Variants in COL11A1 observed in about 807,000 individuals in gnomAD.
COL11A1 encodes the protein collagen type XI alpha 1 chain.
In COL11A1, 74 loss-of-function variants were observed where a neutral mutation model predicts 265.2. The ratio of observed to expected loss-of-function variants is 0.28; its 90% CI spans 0.23 to 0.34. The LOEUF (loss-of-function observed/expected upper bound fraction) is 0.34, where lower values mean the gene tolerates loss of function less well. Among genes scored for constraint, COL11A1 ranks in the 10% least tolerant of loss-of-function variants. The probability of loss-of-function intolerance (pLI) is 1.00; values close to 1 mark genes in which losing one functional copy is unlikely to be tolerated. For missense variants in COL11A1, 2,165 were observed against 2,263.6 expected, an observed-to-expected ratio of 0.96 and a Z score of 0.88; for synonymous variants, 816 against 727.6, an observed-to-expected ratio of 1.12 and a Z score of -1.96.
intron 47 of COL11A1, among the ~76,000 whole-genome samples, chr1:102,922,701 C>A (rs1226838684): frequency 6.6e-6 from 1 of 152,080 alleles, no homozygotes; most frequent in Non-Finnish European, 1.5e-5. Context: ...TCCCGGCCAG[C>A]AAAGTTTTTT....
At chr1:102,881,412 T>C (rs1289398944) in intron 65 of COL11A1, among the ~76,000 whole-genome samples, 3 of 152,148 alleles carry the variant, frequency 2.0e-5, no homozygotes, top group Non-Finnish European at 4.4e-5. Flanking sequence ...TCTAACATAA[T>C]CAATTTTTAT....
intron 1 of COL11A1, among the ~76,000 whole-genome samples, chr1:103,103,534 T>TA (rs2102428509): frequency 1.3e-5 from 2 of 152,074 alleles, no homozygotes; most frequent in South Asian, 2.1e-4. Context: ...ATAGAGTATT[T>TA]AAAAAATTCA....
At chr1:103,050,524 A>G (rs6656484) in intron 4 of COL11A1, among the ~76,000 whole-genome samples, 5,687 of 152,114 alleles carry the variant, frequency 0.037, 367 homozygotes, top group African/African-American at 0.13. Context: ...CAAAGTTTTT[A>G]ACTTCTTTGC....
chr1:102,990,711 T>C (rs1196533505), intron 28 of COL11A1, among the ~76,000 whole-genome samples: 1 of 150,584 alleles, frequency 6.6e-6, no homozygotes, highest in Non-Finnish European at 1.5e-5. Flanking sequence ...TGCTGCGGAG[T>C]ATTTTGAGGT....
intron 28 of COL11A1, among the ~76,000 whole-genome samples, chr1:102,992,431 G>T (rs1664228868): frequency 6.6e-6 from 1 of 151,918 alleles, no homozygotes; most frequent in Admixed American, 6.6e-5. Flanking sequence ...GTACTAACTT[G>T]CTATATCACC....
chr1:103,055,022 C>G (rs1005654669), intron 4 of COL11A1, among the ~76,000 whole-genome samples: 1 of 152,156 alleles, frequency 6.6e-6, no homozygotes, highest in Non-Finnish European at 1.5e-5. Flanking sequence ...ATGCATAGCA[C>G]TGTTATTCCA....
chr1:102,887,628 A>G (rs557877429), intron 62 of COL11A1, among the ~76,000 whole-genome samples: 1 of 152,302 alleles, frequency 6.6e-6, no homozygotes, highest in Admixed American at 6.5e-5. Context: ...AATAGTTATC[A>G]TATTGTCATG....
chr1:103,057,339 C>T (rs72987829), intron 4 of COL11A1, among the ~76,000 whole-genome samples: 1 of 152,280 alleles, frequency 6.6e-6, no homozygotes, highest in African/African-American at 2.4e-5. Context: ...CAGTTACATC[C>T]TTGAGCTCCA....
chr1:103,054,019 G>A lies in COL11A1; in HGVS notation c.651+20599C>T, dbSNP rs549779908. On this transcript the variant is annotated intron_variant, in intron 4 of 66. Transcript: ENST00000370096. The stretch of plus-strand genomic sequence containing the variant: ...ACAAAACTCTAATTTACCTGGGTGT[G>A]TGGTATCCCCTGAGATTTTCACACT... Among the ~76,000 whole-genome samples, 106 of 152,258 alleles carry A rather than the reference G, an allele frequency of 7.0e-4. 1 individual carries two copies. Among genetic ancestry groups the A allele is most frequent in the Non-Finnish European group, 1.4e-3 (96 of 68,012 alleles).
chr1:102,901,212 C>T (rs557083856), intron 54 of COL11A1, among the ~76,000 whole-genome samples: 1 of 151,006 alleles, frequency 6.6e-6, no homozygotes, highest in East Asian at 2.0e-4. Flanking sequence ...CCCAGCTACT[C>T]GGGAGGCTGA....
chr1:102,954,015 G>A (rs1162531248), intron 41 of COL11A1, among the ~76,000 whole-genome samples: 1 of 152,128 alleles, frequency 6.6e-6, no homozygotes, highest in East Asian at 1.9e-4. Context: ...GAATTACAAT[G>A]ACCATAATAT....
At chr1:102,996,525 T>C (rs888759335) in intron 26 of COL11A1, among the ~76,000 whole-genome samples, 7 of 151,826 alleles carry the variant, frequency 4.6e-5, no homozygotes, top group Non-Finnish European at 8.8e-5. Flanking sequence ...TCTATCTAGA[T>C]AAAATGTTCT....
At chr1:102,974,116 A>G (rs1213702843) in intron 36 of COL11A1, among the ~76,000 whole-genome samples, 1 of 152,132 alleles carries the variant, frequency 6.6e-6, no homozygotes, top group East Asian at 1.9e-4. Flanking sequence ...ACATTTGAGA[A>G]CCACTGTCCT....
intron 4 of COL11A1, among the ~76,000 whole-genome samples, chr1:103,053,362 C>T (rs897212374): frequency 2.0e-5 from 3 of 152,110 alleles, no homozygotes; most frequent in Non-Finnish European, 4.4e-5. Context: ...TATCACAATA[C>T]AATGGTGCTG....
At chr1:103,025,710 G>C in intron 6 of COL11A1, 97 bp from the exon 7 acceptor site, 1 of 1,563,250 alleles carries the variant, frequency 6.4e-7, no homozygotes. Context: ...AGCCAAGTGA[G>C]TATTTATCTA....
At chr1:103,001,369 G>A in intron 24 of COL11A1, 2 of 396,450 alleles carry the variant, frequency 5.0e-6, no homozygotes. Context: ...AGATAGAAAT[G>A]TGCTATGACT....
intron 1 of COL11A1, among the ~76,000 whole-genome samples, chr1:103,087,932 A>T (rs1415428982): frequency 1.3e-5 from 2 of 152,216 alleles, no homozygotes; most frequent in East Asian, 1.9e-4. Context: ...ATATGGAAGG[A>T]ACTTCCTCTG....
intron 37 of COL11A1, among the ~76,000 whole-genome samples, chr1:102,969,468 A>G (rs1483288775): frequency 6.6e-6 from 1 of 152,184 alleles, no homozygotes; most frequent in African/African-American, 2.4e-5. Context: ...CCATGGAAAT[A>G]TGCCAATCCA....
At chr1:102,927,348 G>A (rs1474352956) in intron 46 of COL11A1, among the ~76,000 whole-genome samples, 1 of 152,058 alleles carries the variant, frequency 6.6e-6, no homozygotes, top group Non-Finnish European at 1.5e-5. Context: ...GACAGAATAA[G>A]CAAGTGGAAG....
Sources: gnomAD v4.1 joint callset for allele counts (sites outside exome capture counted in the v4.1 genomes callset) on GRCh38, gnomAD v4.1.1 for gene constraint, MANE v1.5 for transcripts, NCBI Gene and HGNC (gene_info 2026-07-23, HGNC 2026-07-21) for gene names.